Variants in KIAA2012 observed in about 807,000 individuals in gnomAD.
KIAA2012 encodes uncharacterized protein KIAA2012.
KIAA2012 carries 125 observed loss-of-function variants against 150.6 expected under a neutral mutation model. That is an observed-to-expected ratio of 0.83 (90% CI 0.72 to 0.96). KIAA2012 has a LOEUF of 0.96. KIAA2012 is among the 40% of genes least tolerant of loss of function. The pLI is 0.00. For missense variants in KIAA2012, 1,219 were observed against 1,354.9 expected (o/e 0.90, Z 1.57); for synonymous variants, 462 against 504.7 (o/e 0.92, Z 1.13).
intron 12 of KIAA2012, among the ~76,000 whole-genome samples, chr2:202,133,109 AAT>A (rs1553556980): frequency 3.0e-4 from 26 of 87,878 alleles, no homozygotes; most frequent in Non-Finnish European, 4.2e-4. Context: ...TCTAAAAAAA[AAT>A]ATATATATAT....
intron 4 of KIAA2012, 91 bp downstream of exon 4, chr2:202,093,276 T>C: frequency 1.5e-6 from 2 of 1,357,224 alleles, no homozygotes; most frequent in Non-Finnish European, 1.0e-6. Flanking sequence ...AAACAAGGTC[T>C]TGAGATTCTG....
chr2:202,200,703 G>C (rs1246969098), intron 22 of KIAA2012, among the ~76,000 whole-genome samples: 1 of 75,414 alleles, frequency 1.3e-5, no homozygotes, highest in Non-Finnish European at 2.6e-5. Flanking sequence ...GAATAATTTT[G>C]GAACTTTTTT....
intron 2 of KIAA2012, 118 bp from the exon 3 acceptor site, chr2:202,090,652 C>A (rs913991228): frequency 1.6e-5 from 20 of 1,234,384 alleles, no homozygotes; most frequent in Non-Finnish European, 2.2e-5. Flanking sequence ...TTTTTGGTGC[C>A]TTCTGGCACC....
chr2:202,179,880 G>A (rs978522034), intron 15 of KIAA2012: 1 of 697,432 alleles, frequency 1.4e-6, no homozygotes, highest in African/African-American at 1.8e-5. Flanking sequence ...TAACCCTAAA[G>A]GAAAGCTTTG....
chr2:202,190,226 C>T lies in KIAA2012; in HGVS notation c.2544C>T (p.Pro848=), dbSNP rs1574314886. 2.1e-5 allele frequency: 32 copies of T among 1,529,952 alleles called. No individual in the cohort carries two copies. The highest frequency in any genetic ancestry group is 2.3e-5 in the Non-Finnish European group (26 of 1,142,108). The allele number at this position is 1,529,952 out of a possible 1,614,324, so 94.8% of individuals were successfully genotyped here. A position where few individuals can be genotyped will look rare whatever the true frequency, so the allele number is the denominator to read the frequency against. Residue 848 remains proline (P), a synonymous_variant, in exon 19 of 24, where the codon CCC becomes CCT. Coordinates refer to ENST00000498697, the MANE Select transcript of KIAA2012 (RefSeq NM_001277372.4). ...AKKKLEKKTR[P]QRKRTQKERN... ...AAAAATTAGAAAAAAAAACAAGACC[C>T]CAAAGGAAAAGGACACAGAAGGAAA...
chr2:202,126,934 A>G (rs1241457715), intron 12 of KIAA2012, among the ~76,000 whole-genome samples: 1 of 152,170 alleles, frequency 6.6e-6, no homozygotes, highest in East Asian at 1.9e-4. Context: ...TCCATCTGAC[A>G]ATATATGAGA....
At chr2:202,182,108 CTT>C (rs754494077) in intron 15 of KIAA2012, among the ~76,000 whole-genome samples, 139 of 104,096 alleles carry the variant, frequency 1.3e-3, no homozygotes, top group African/African-American at 4.5e-3. Flanking sequence ...TTTCTTTATT[CTT>C]TTTTTTTTTT....
intron 2 of KIAA2012, among the ~76,000 whole-genome samples, chr2:202,080,713 A>AG (rs1310920846): frequency 2.0e-4 from 31 of 152,070 alleles, no homozygotes; most frequent in African/African-American, 6.8e-4. Context: ...AAAAAAAAAA[A>AG]AAAGAAGGCT....
rs1692241554 is a variant in KIAA2012 at position 202,187,008 on chromosome 2, T to G, written c.2286T>G (p.Ser762Arg). 7 of 1,550,418 alleles carry G rather than the reference T, an allele frequency of 4.5e-6. No individual in the cohort carries two copies. The highest frequency in any genetic ancestry group is 6.1e-6 in the Non-Finnish European group (7 of 1,146,956). Reference protein sequence around the residue: ...GYGPESPERLSAVYTSLLPRE... With the variant: ...GYGPESPERLRAVYTSLLPRE... ...GGCCTGAGTCACCCGAGAGGTTGAGTGCTGTGTATACATCTCTTCTTCCAA... is the reference window on the plus strand; with the variant it reads ...GGCCTGAGTCACCCGAGAGGTTGAGGGCTGTGTATACATCTCTTCTTCCAA... Residue 762 changes from serine (S) to arginine (R), a missense_variant, in exon 17 of 24, where the codon AGT becomes AGG. Physicochemically the swap from Ser to Arg is moderately radical, Grantham distance 110. Transcript: ENST00000498697.
intron 12 of KIAA2012, among the ~76,000 whole-genome samples, chr2:202,131,705 G>A (rs181161303): frequency 1.5e-4 from 23 of 152,290 alleles, no homozygotes; most frequent in African/African-American, 5.3e-4. Flanking sequence ...GGAACTAGCC[G>A]AGTGGTAAAG....
chr2:202,075,350 A>C (rs1489236872), intron 2 of KIAA2012, among the ~76,000 whole-genome samples, 175 bp downstream of exon 2: 1 of 152,228 alleles, frequency 6.6e-6, no homozygotes, highest in Non-Finnish European at 1.5e-5. Flanking sequence ...GCTGCACACC[A>C]TTGTCACAAA....
intron 15 of KIAA2012, among the ~76,000 whole-genome samples, chr2:202,168,693 A>G (rs1357295763): frequency 6.6e-6 from 1 of 152,154 alleles, no homozygotes; most frequent in Non-Finnish European, 1.5e-5. Flanking sequence ...GCAGCCTTCC[A>G]GCCTCTGCAT....
At chr2:202,203,856 G>A (rs533783473) in intron 23 of KIAA2012, among the ~76,000 whole-genome samples, 3 of 150,456 alleles carry the variant, frequency 2.0e-5, no homozygotes, top group East Asian at 3.9e-4. Flanking sequence ...TGCAAGCTTC[G>A]CCTCCCGGGT....
Position 202,083,533 on chromosome 2 carries a change from A to G in KIAA2012, c.370-7237A>G, listed in dbSNP as rs367741758. Among the ~76,000 whole-genome samples the G allele has an allele frequency of 8.5e-5, 13 of 152,380 alleles. No individual in the cohort carries two copies. The South Asian group carries it at 2.3e-3, about 27-fold the overall frequency. ...ACTCCGGCAAGACAGACTGAGGGCT[A>G]GGAGATGCCAGCTGTGCCCCTCCTG... On this transcript the variant is annotated intron_variant, in intron 2 of 23. Coordinates refer to ENST00000498697, the MANE Select transcript of KIAA2012 (RefSeq NM_001277372.4).
chr2:202,170,098 A>T (rs1256530274), intron 15 of KIAA2012, among the ~76,000 whole-genome samples: 1 of 152,128 alleles, frequency 6.6e-6, no homozygotes, highest in Non-Finnish European at 1.5e-5. Context: ...TGTCCTACAT[A>T]AATCTCTTCT....
At chr2:202,126,617 ATGGTGGTGGTGGTGG>A (rs60119764) in intron 12 of KIAA2012, among the ~76,000 whole-genome samples, 11 of 146,252 alleles carry the variant, frequency 7.5e-5, no homozygotes, top group Admixed American at 3.4e-4. Flanking sequence ...AATGATGATG[ATGGTGGTGGTGGTGG>A]TGGTGGTGGT....
At chr2:202,196,704 G>C in intron 21 of KIAA2012, 96 bp from the exon 22 acceptor site, 1 of 1,466,678 alleles carries the variant, frequency 6.8e-7, no homozygotes. Context: ...TTTCTCACGG[G>C]GAGTCCTTCA....
chr2:202,096,635 C>T (rs892593911), intron 4 of KIAA2012, among the ~76,000 whole-genome samples: 25 of 152,150 alleles, frequency 1.6e-4, no homozygotes, highest in Non-Finnish European at 3.2e-4. Context: ...GTCTTGTGAT[C>T]CATCACACAC....
At chr2:202,193,093 A>G (rs1282541672) in intron 19 of KIAA2012, among the ~76,000 whole-genome samples, 2 of 152,200 alleles carry the variant, frequency 1.3e-5, no homozygotes, top group Non-Finnish European at 2.9e-5. Flanking sequence ...TAAATCCCAA[A>G]GCAAGTAAGA....
Sources: allele counts gnomAD v4.1 joint callset (sites outside exome capture counted in the v4.1 genomes callset), GRCh38; gene constraint gnomAD v4.1.1; transcripts MANE v1.5; gene names NCBI Gene and HGNC (gene_info 2026-07-23, HGNC 2026-07-21).